Variants in TRERF1 observed in about 807,000 individuals in gnomAD.
The protein encoded by TRERF1 is transcriptional regulating factor 1.
TRERF1 carries 27 observed loss-of-function variants against 122.9 expected under a neutral mutation model. That is an observed-to-expected ratio of 0.22 (90% confidence interval 0.16 to 0.30). The LOEUF is 0.30. TRERF1 is among the 10% of genes least tolerant of loss of function. The pLI is 1.00. For synonymous variants in TRERF1, 636 were observed against 641.7 expected (o/e 0.99, Z 0.13); for missense variants, 1,248 against 1,560.3 (o/e 0.80, Z 3.37).
chr6:42,264,730 T>A, exon 7 of TRERF1: 1 of 1,614,126 alleles, frequency 6.2e-7, no homozygotes, highest in South Asian at 1.1e-5. Flanking sequence ...GAGGCCCTCA[T>A]TCCCCCGTGG....
intron 3 of TRERF1, among the ~76,000 whole-genome samples, chr6:42,321,433 C>T (rs1763437275): frequency 6.6e-6 from 1 of 151,864 alleles, no homozygotes; most frequent in Admixed American, 6.6e-5. Flanking sequence ...ATAATAACAG[C>T]AAAGTTTTTA....
chr6:42,343,956 CT>C (rs1265326221), intron 3 of TRERF1, among the ~76,000 whole-genome samples: 1 of 152,220 alleles, frequency 6.6e-6, no homozygotes, highest in African/African-American at 2.4e-5. Context: ...CAGTTCTTGC[CT>C]GTGGAAGCTT....
chr6:42,322,584 C>T (rs1028570960), intron 3 of TRERF1, among the ~76,000 whole-genome samples: 7 of 151,692 alleles, frequency 4.6e-5, no homozygotes, highest in South Asian at 2.1e-4. Flanking sequence ...CTATAGAGAA[C>T]GATCAAAAGA....
chr6:42,356,677 C>T (rs896432236), intron 3 of TRERF1, among the ~76,000 whole-genome samples: 2 of 152,244 alleles, frequency 1.3e-5, no homozygotes, highest in African/African-American at 2.4e-5. Context: ...CGGGTTCAAG[C>T]GATTCTCTTG....
intron 2 of TRERF1, among the ~76,000 whole-genome samples, chr6:42,432,803 A>G (rs954103030): frequency 6.7e-6 from 1 of 149,738 alleles, no homozygotes; most frequent in Admixed American, 6.7e-5. Flanking sequence ...AGATCATGCC[A>G]CTGCACTCCA....
At chr6:42,317,602 G>A (rs564607299) in intron 3 of TRERF1, among the ~76,000 whole-genome samples, 2 of 152,062 alleles carry the variant, frequency 1.3e-5, no homozygotes, top group African/African-American at 2.4e-5. Flanking sequence ...CAAGCCTCCC[G>A]CCTTGGCCTC....
At chr6:42,330,830 CT>C (rs1404963038) in intron 3 of TRERF1, among the ~76,000 whole-genome samples, 1 of 152,036 alleles carries the variant, frequency 6.6e-6, no homozygotes, top group Non-Finnish European at 1.5e-5. Flanking sequence ...TGGTGCCCAG[CT>C]AATTTATTTA....
At chr6:42,298,862 C>T (rs182669169) in intron 4 of TRERF1, among the ~76,000 whole-genome samples, 1,911 of 152,158 alleles carry the variant, frequency 0.013, 15 homozygotes, top group Non-Finnish European at 0.019. Flanking sequence ...ACTGCTTGAG[C>T]CCAGGAGGTG....
intron 2 of TRERF1, among the ~76,000 whole-genome samples, chr6:42,427,756 C>T (rs1160552284): frequency 6.6e-6 from 1 of 151,956 alleles, no homozygotes; most frequent in Non-Finnish European, 1.5e-5. Context: ...TCCTATGTTG[C>T]CCAGGCTGGT....
intron 3 of TRERF1, among the ~76,000 whole-genome samples, chr6:42,343,608 T>C (rs1188762891): frequency 1.3e-5 from 2 of 152,158 alleles, no homozygotes; most frequent in African/African-American, 4.8e-5. Context: ...TGAAGTGTGT[T>C]ATCCTAAGGA....
chr6:42,330,087 T>A (rs1765001185), intron 3 of TRERF1, among the ~76,000 whole-genome samples: 1 of 152,170 alleles, frequency 6.6e-6, no homozygotes, highest in Admixed American at 6.5e-5. Flanking sequence ...CCTCTGCATA[T>A]TAATATCCTT....
intron 2 of TRERF1, among the ~76,000 whole-genome samples, chr6:42,416,383 AG>A (rs1394402507): frequency 1.4e-4 from 21 of 152,338 alleles, no homozygotes; most frequent in African/African-American, 5.1e-4. Flanking sequence ...CATGTTGAGG[AG>A]GTATCCAATT....
rs1164352585 is a variant in TRERF1 at position 42,263,134 on chromosome 6, C to T, written c.1884+186G>A. 1.4e-5 allele frequency: 19 copies of T among 1,322,278 alleles called. No homozygotes were observed. The highest frequency in any genetic ancestry group is 2.9e-5 in the East Asian group (1 of 35,040). 81.9% of individuals were successfully genotyped at this position (1,322,278 alleles called of 1,614,324 possible). ...AAGGGTAGGGTTCCCAATGTGGCCA[C>T]GGGTTCAGCCCTGAGAGACCAAGCC... On this transcript the variant is annotated intron_variant, in intron 8 of 17. Transcript: ENST00000372922. The surrounding 1 kb of genome is among the most constrained non-coding windows in gnomAD (Gnocchi z 5.6).
intron 2 of TRERF1, among the ~76,000 whole-genome samples, chr6:42,437,942 G>A (rs1168008450): frequency 1.3e-5 from 2 of 151,814 alleles, no homozygotes; most frequent in African/African-American, 4.8e-5. Flanking sequence ...TTATTTTTGA[G>A]ACAGAGTATT....
Position 42,259,510 on chromosome 6 carries a change from C to G in TRERF1, c.2098G>C (p.Asp700His), listed in dbSNP as rs2149785266. The G allele has an allele frequency of 6.2e-7, 1 of 1,612,530 alleles. No homozygotes were observed. The highest frequency in any genetic ancestry group is 8.5e-7 in the Non-Finnish European group (1 of 1,179,700). The change falls in exon 9 of 18, where the codon GAC becomes CAC. Residue 700 changes from aspartate to histidine, a missense_variant. Coordinates refer to ENST00000372922, the Ensembl canonical transcript of TRERF1. This position sits in a 1 kb window ranked among gnomAD's most constrained non-coding sequence, Gnocchi z 4.9. ...TAAGGGGGCAGCTCGTGGGTGGGGTCCAGGAGCAGGTGGTCCCCGAGGACG... is the reference window on the plus strand; with the variant it reads ...TAAGGGGGCAGCTCGTGGGTGGGGTGCAGGAGCAGGTGGTCCCCGAGGACG...
At chr6:42,278,033 G>A (rs929910663) in intron 4 of TRERF1, among the ~76,000 whole-genome samples, 1 of 151,904 alleles carries the variant, frequency 6.6e-6, no homozygotes, top group Non-Finnish European at 1.5e-5. Context: ...TGTGACCCTG[G>A]GCAAGTCATT....
chr6:42,403,597 A>G (rs1009406972), intron 2 of TRERF1, among the ~76,000 whole-genome samples: 4 of 152,282 alleles, frequency 2.6e-5, no homozygotes, highest in African/African-American at 7.2e-5. Flanking sequence ...GAACTGCAAG[A>G]GCAGACATTT....
rs61427173 is a variant in TRERF1, at chr6:42,436,814, A to AAATATATAT, written c.-454+14362_-454+14363insATATATATT. ...ATCTCCCTCTACAAAAAAAAAAAAA[A>AAATATATAT]ATATATATATATATATATATATATA... is the stretch of plus-strand genomic sequence containing the variant. On this transcript the variant is annotated intron_variant, in intron 2 of 17. Transcript: ENST00000372922. Among the ~76,000 whole-genome samples the AAATATATAT allele has an allele frequency of 2.2e-3, 145 of 66,696 alleles. 1 individual carries two copies. The highest frequency in any genetic ancestry group is 6.6e-3 in the East Asian group (12 of 1,818). 43.8% of individuals were successfully genotyped at this position (66,696 alleles called of 152,430 possible).
intron 16 of TRERF1, among the ~76,000 whole-genome samples, chr6:42,233,495 C>T (rs966964041): frequency 4.6e-5 from 7 of 152,118 alleles, no homozygotes; most frequent in Non-Finnish European, 1.0e-4. Flanking sequence ...CCGTGTTAGC[C>T]AGGATGGTCT....
Sources: gnomAD v4.1 joint callset for allele counts (sites outside exome capture counted in the v4.1 genomes callset) on GRCh38, gnomAD v4.1.1 for gene constraint, Gnocchi (gnomAD v3.1) non-coding constraint, MANE v1.5 for transcripts, NCBI Gene and HGNC (gene_info 2026-07-23, HGNC 2026-07-21) for gene names.